The following NR3C2 variants were observed in gnomAD, a reference collection of about 807,000 sequenced individuals.
The protein encoded by NR3C2 is nuclear receptor subfamily 3 group C member 2, also known as mineralocorticoid receptor.
Under a neutral mutation model 86.4 loss-of-function variants are expected in NR3C2, and 15 were observed. The observed-to-expected ratio is 0.17, with a 90% CI of 0.12 to 0.27. The LOEUF is 0.27. NR3C2 is among the 10% of genes least tolerant of loss of function. The pLI is 1.00. For missense variants in NR3C2, 960 were observed against 1,195.6 expected (o/e 0.80, Z 2.91); for synonymous variants, 458 against 450.5 (o/e 1.02, Z -0.21).
intron 8 of NR3C2, among the ~76,000 whole-genome samples, chr4:148,102,968 C>T (rs1312574962): frequency 6.6e-6 from 1 of 152,186 alleles, no homozygotes; most frequent in Non-Finnish European, 1.5e-5. Flanking sequence ...ACCTGGCTTA[C>T]GGATTCCATC....
rs886059123 is a variant in NR3C2, at chr4:148,079,869, A to C, written c.*1475T>G. On this transcript the variant is annotated 3_prime_UTR_variant, in exon 9 of 9. Coordinates refer to ENST00000358102, the MANE Select transcript of NR3C2 (RefSeq NM_000901.5). The stretch of plus-strand genomic sequence containing the variant: ...ATGGGCCGTCCCAGCGCATCCTGCC[A>C]TGATCTGTGCGTTCCTGTGACCGGT... The C allele has an allele frequency of 9.8e-5, 15 of 152,662 alleles. No homozygotes were observed. Among genetic ancestry groups the C allele is most frequent in the Admixed American group, 9.8e-4 (15 of 15,304 alleles). 9.5% of individuals were successfully genotyped at this position (152,662 alleles called of 1,614,324 possible). A position where few individuals can be genotyped will look rare whatever the true frequency, so the allele number is the denominator to read the frequency against.
chr4:148,184,951 G>A (rs1735822640), intron 4 of NR3C2, among the ~76,000 whole-genome samples: 1 of 152,134 alleles, frequency 6.6e-6, no homozygotes, highest in Admixed American at 6.5e-5. Context: ...GGCACCAGAG[G>A]CCCACCATTA....
At chr4:148,363,423 G>A (rs1745941342) in intron 2 of NR3C2, among the ~76,000 whole-genome samples, 1 of 151,084 alleles carries the variant, frequency 6.6e-6, no homozygotes, top group Admixed American at 6.6e-5. Flanking sequence ...ATGTATCAAA[G>A]TCACAGGCAT....
At chr4:148,271,776 T>G (rs1453063927) in intron 2 of NR3C2, among the ~76,000 whole-genome samples, 1 of 152,160 alleles carries the variant, frequency 6.6e-6, no homozygotes, top group African/African-American at 2.4e-5. Context: ...TTAAAATTAT[T>G]TAAACATTTA....
intron 2 of NR3C2, among the ~76,000 whole-genome samples, chr4:148,388,409 T>A (rs1023496012): frequency 6.6e-6 from 1 of 152,202 alleles, no homozygotes; most frequent in African/African-American, 2.4e-5. Flanking sequence ...CAAAAAGTTT[T>A]GGATTTTGGA....
At chr4:148,202,732 T>A (rs1001316073) in intron 3 of NR3C2, among the ~76,000 whole-genome samples, 1 of 152,102 alleles carries the variant, frequency 6.6e-6, no homozygotes, top group Non-Finnish European at 1.5e-5. Context: ...TACGGACCCA[T>A]ACAGAGTGAG....
At chr4:148,158,242 A>G (rs1007153816) in intron 4 of NR3C2, among the ~76,000 whole-genome samples, 3 of 152,234 alleles carry the variant, frequency 2.0e-5, no homozygotes, top group African/African-American at 7.2e-5. Flanking sequence ...AAGTGCCTCA[A>G]AAACTAGACA....
chr4:148,344,029 C>T (rs1744875413), intron 2 of NR3C2, among the ~76,000 whole-genome samples: 1 of 152,112 alleles, frequency 6.6e-6, no homozygotes, highest in Non-Finnish European at 1.5e-5. Context: ...GCAACTACCG[C>T]ATAAGCTATA....
intron 6 of NR3C2, among the ~76,000 whole-genome samples, chr4:148,140,731 G>C (rs1733566395): frequency 6.6e-6 from 1 of 152,050 alleles, no homozygotes. Context: ...ATGAAAAATA[G>C]CTCCCTCTAG....
At chr4:148,423,093 T>TC (rs1172235794) in intron 2 of NR3C2, among the ~76,000 whole-genome samples, 1 of 152,072 alleles carries the variant, frequency 6.6e-6, no homozygotes, top group Non-Finnish European at 1.5e-5. Flanking sequence ...TCGCTCACCA[T>TC]CCCAACCAGT....
chr4:148,443,536 C>T (rs1750456777), upstream of NR3C2, among the ~76,000 whole-genome samples: 1 of 152,030 alleles, frequency 6.6e-6, no homozygotes, highest in Admixed American at 6.5e-5. Context: ...GCCCCCTCCT[C>T]GATTCTCCTC....
At chr4:148,254,935 A>G (rs1355216021) in intron 3 of NR3C2, among the ~76,000 whole-genome samples, 2 of 152,162 alleles carry the variant, frequency 1.3e-5, no homozygotes, top group Non-Finnish European at 2.9e-5. Context: ...CCCCTACTTT[A>G]TCAGTTAACT....
intron 3 of NR3C2, among the ~76,000 whole-genome samples, chr4:148,256,054 G>A (rs1739815783): frequency 6.6e-6 from 1 of 152,190 alleles, no homozygotes; most frequent in African/African-American, 2.4e-5. Flanking sequence ...AACAGAAGAG[G>A]CAAAGCCTGG....
At chr4:148,332,645 T>C (rs1176185730) in intron 2 of NR3C2, among the ~76,000 whole-genome samples, 4 of 152,232 alleles carry the variant, frequency 2.6e-5, no homozygotes, top group Non-Finnish European at 5.9e-5. Flanking sequence ...ACATCTCACA[T>C]GCATAGCAAG....
In NR3C2 at chr4:148,435,523, T is replaced by A. The variant is rs773403902; in HGVS notation, c.1338A>T (p.Thr446=). ...CATCCATAAATGGAAACGGGTTTACTGTTGGATTCCCTTTAAAAGAGGTGC... is the reference window on the plus strand; with the variant it reads ...CATCCATAAATGGAAACGGGTTTACAGTTGGATTCCCTTTAAAAGAGGTGC... ...CSGTSFKGNP[T]VNPFPFMDGS... Residue 446 remains threonine, a synonymous_variant, in exon 2 of 9, where the codon ACA becomes ACT. Coordinates refer to ENST00000358102, the MANE Select transcript of NR3C2 (RefSeq NM_000901.5). The A allele has an allele frequency of 6.2e-7, 1 of 1,614,058 alleles. No individual in the cohort carries two copies. Among genetic ancestry groups the A allele is most frequent in the African/African-American group, 1.3e-5 (1 of 74,948 alleles).
chr4:148,082,201 G>T (rs1730595764), intron 8 of NR3C2, among the ~76,000 whole-genome samples: 2 of 152,200 alleles, frequency 1.3e-5, no homozygotes. Flanking sequence ...CCTACTCTGT[G>T]AACCAAGAAC....
intron 2 of NR3C2, among the ~76,000 whole-genome samples, chr4:148,298,990 G>A (rs28462077): frequency 0.014 from 2,063 of 152,284 alleles, 42 homozygotes; most frequent in African/African-American, 0.048. Flanking sequence ...CCAGGAATTC[G>A]CACCTTATGC....
chr4:148,163,452 G>T (rs1734750027), intron 4 of NR3C2, among the ~76,000 whole-genome samples: 1 of 152,130 alleles, frequency 6.6e-6, no homozygotes, highest in Non-Finnish European at 1.5e-5. Flanking sequence ...TGTGGTAAAA[G>T]ATAATTTCAG....
intron 2 of NR3C2, among the ~76,000 whole-genome samples, chr4:148,271,176 G>A (rs72655252): frequency 0.011 from 1,627 of 152,214 alleles, 31 homozygotes; most frequent in African/African-American, 0.037. Context: ...CCACGAATTT[G>A]AGCTGTTATT....
Sources: gnomAD v4.1 joint callset for allele counts (sites outside exome capture counted in the v4.1 genomes callset) on GRCh38, gnomAD v4.1.1 for gene constraint, MANE v1.5 for transcripts, NCBI Gene and HGNC (gene_info 2026-07-23, HGNC 2026-07-21) for gene names.